The following CNBD1 variants were observed in gnomAD, a reference collection of about 807,000 sequenced individuals.
CNBD1 encodes the protein cyclic nucleotide binding domain containing 1, also known as cyclic nucleotide-binding domain-containing protein 1.
A neutral mutation model predicts 54.4 loss-of-function variants in CNBD1; 71 were observed. The ratio of observed to expected loss-of-function variants is 1.30; its 90% CI spans 1.08 to 1.59. CNBD1 has a LOEUF of 1.59. CNBD1 is among the 40% of genes most tolerant of loss of function. The probability of loss-of-function intolerance (pLI) is 0.00; values close to 1 mark genes in which losing one functional copy is unlikely to be tolerated. For synonymous variants in CNBD1, 182 were observed against 170.7 expected (o/e 1.07, Z -0.51); for missense variants, 659 against 518.0 (o/e 1.27, Z -2.64).
intron 4 of CNBD1, among the ~76,000 whole-genome samples, chr8:86,986,738 G>A (rs1473101098): frequency 1.3e-5 from 2 of 152,170 alleles, no homozygotes; most frequent in African/African-American, 4.8e-5. Flanking sequence ...TATGGATAGC[G>A]AGTTATTCCA....
In CNBD1 at chr8:87,226,766, C is replaced by G. The variant is rs541289945; in HGVS notation, c.578-10153C>G. ...AGATGTCTATTAGGTCCGCTTGGTG[C>G]AGAGCTGAGTTCAATTCCTGGGTAT... On this transcript the variant is annotated intron_variant, in intron 5 of 10. Transcript: ENST00000518476. Among the ~76,000 whole-genome samples, 1,101 of 151,686 alleles carry G rather than the reference C, an allele frequency of 7.3e-3. 20 individuals carry two copies. Among genetic ancestry groups the G allele is most frequent in the African/African-American group, 0.025 (1,046 of 41,166 alleles).
intron 4 of CNBD1, among the ~76,000 whole-genome samples, chr8:87,119,107 G>A (rs979812762): frequency 1.3e-5 from 2 of 151,900 alleles, no homozygotes; most frequent in Non-Finnish European, 2.9e-5. Flanking sequence ...TGAATTTTAA[G>A]ATTTTTTTTT....
chr8:86,969,586 C>G (rs1336273307), intron 4 of CNBD1, among the ~76,000 whole-genome samples: 1 of 151,944 alleles, frequency 6.6e-6, no homozygotes, highest in Non-Finnish European at 1.5e-5. Context: ...TGAGAATGGA[C>G]AGATTACCAG....
At chr8:86,976,877 G>A (rs1186696791) in intron 4 of CNBD1, among the ~76,000 whole-genome samples, 8 of 151,862 alleles carry the variant, frequency 5.3e-5, no homozygotes, top group African/African-American at 2.4e-5. Flanking sequence ...TGTTGGTTTT[G>A]TGACCTACTA....
At chr8:87,254,310 C>T (rs1208973948) in intron 6 of CNBD1, among the ~76,000 whole-genome samples, 1 of 152,000 alleles carries the variant, frequency 6.6e-6, no homozygotes, top group Non-Finnish European at 1.5e-5. Flanking sequence ...GAAAAGGACT[C>T]ATAGGGTAAC....
intron 2 of CNBD1, among the ~76,000 whole-genome samples, chr8:87,414,242 AATC>A (rs1320467762): frequency 6.6e-6 from 1 of 152,096 alleles, no homozygotes; most frequent in Non-Finnish European, 1.5e-5. Flanking sequence ...TGAAACTGGA[AATC>A]ATCATTCTCA....
At chr8:86,883,530 GGAA>G (rs1808634376) in intron 1 of CNBD1, among the ~76,000 whole-genome samples, 1 of 152,128 alleles carries the variant, frequency 6.6e-6, no homozygotes, top group Non-Finnish European at 1.5e-5. Flanking sequence ...AATGCTTAAC[GGAA>G]GAAGATAGCA....
At chr8:87,328,716 C>G (rs1212072060) in intron 8 of CNBD1, among the ~76,000 whole-genome samples, 1 of 152,118 alleles carries the variant, frequency 6.6e-6, no homozygotes, top group East Asian at 1.9e-4. Flanking sequence ...TTTAACAAGA[C>G]TAAGTCTTCT....
At chr8:86,955,507 T>G (rs942638749) in intron 4 of CNBD1, among the ~76,000 whole-genome samples, 2 of 152,206 alleles carry the variant, frequency 1.3e-5, no homozygotes, top group Non-Finnish European at 2.9e-5. Flanking sequence ...GTTTCCTGAC[T>G]TGTTAATGAT....
intron 10 of CNBD1, among the ~76,000 whole-genome samples, chr8:87,378,882 T>G (rs1246061344): frequency 2.7e-5 from 4 of 149,454 alleles, no homozygotes; most frequent in African/African-American, 1.0e-4. Flanking sequence ...CCCTTGTAAG[T>G]TGGATTCCTA....
chr8:86,930,538 C>A (rs955991269), intron 3 of CNBD1, among the ~76,000 whole-genome samples: 14 of 152,130 alleles, frequency 9.2e-5, no homozygotes, highest in African/African-American at 1.2e-4. Flanking sequence ...GACATGTGGT[C>A]TGTGGGATCC....
At chr8:87,120,636 G>GTACA (rs1811870815) in intron 4 of CNBD1, among the ~76,000 whole-genome samples, 1 of 151,678 alleles carries the variant, frequency 6.6e-6, no homozygotes, top group Non-Finnish European at 1.5e-5. Context: ...GTTCCTTGTG[G>GTACA]TACAGTGTTA....
chr8:86,925,482 A>AGAGT lies in CNBD1; in HGVS notation c.273-14113_273-14112insAGTG, dbSNP rs1224095733. On this transcript the variant is annotated intron_variant, in intron 3 of 10. Transcript: ENST00000518476. Reference sequence around the variant, plus strand: ...TAAAATATATACGGGCTTACCAAAAAGTGTGTGTGTGTGTGTGTGTGTGTG... The same window carrying AGAGT: ...TAAAATATATACGGGCTTACCAAAAAGAGTGTGTGTGTGTGTGTGTGTGTGTGTG... Among the ~76,000 whole-genome samples the AGAGT allele has an allele frequency of 3.6e-3, 509 of 141,810 alleles. 6 individuals are homozygous for AGAGT. Among genetic ancestry groups the AGAGT allele is most frequent in the African/African-American group, 0.013 (470 of 37,356 alleles). 93.0% of individuals were successfully genotyped at this position (141,810 alleles called of 152,430 possible).
chr8:87,067,360 G>T (rs562995506), intron 4 of CNBD1, among the ~76,000 whole-genome samples: 1 of 151,906 alleles, frequency 6.6e-6, no homozygotes, highest in East Asian at 1.9e-4. Flanking sequence ...TTATTATTAT[G>T]GAATTACTTA....
At chr8:87,316,055 G>A (rs1392210840) in intron 8 of CNBD1, among the ~76,000 whole-genome samples, 1 of 151,972 alleles carries the variant, frequency 6.6e-6, no homozygotes, top group East Asian at 1.9e-4. Flanking sequence ...ATTCATCTCA[G>A]AGTAATATAC....
At chr8:87,394,824 T>C (rs975897164) in intron 2 of CNBD1, among the ~76,000 whole-genome samples, 12 of 151,912 alleles carry the variant, frequency 7.9e-5, no homozygotes, top group Non-Finnish European at 8.8e-5. Context: ...CTTTTTCTGC[T>C]GGTTTTTAAA....
chr8:87,214,554 A>G (rs1204340309), intron 5 of CNBD1, among the ~76,000 whole-genome samples: 1 of 152,128 alleles, frequency 6.6e-6, no homozygotes, highest in Non-Finnish European at 1.5e-5. Flanking sequence ...ATTTTCGGGT[A>G]TCTTTACAAC....
At chr8:86,877,947 G>A (rs1808548666) in intron 1 of CNBD1, among the ~76,000 whole-genome samples, 1 of 151,846 alleles carries the variant, frequency 6.6e-6, no homozygotes, top group Non-Finnish European at 1.5e-5. Flanking sequence ...CATTTTTGCA[G>A]TTTCCCATGT....
intron 1 of CNBD1, among the ~76,000 whole-genome samples, chr8:86,873,459 T>A (rs1014404439): frequency 2.0e-5 from 3 of 151,992 alleles, no homozygotes; most frequent in African/African-American, 2.4e-5. Flanking sequence ...ATTTATAATA[T>A]TGAGTCTTCC....
Sources: allele counts gnomAD v4.1 joint callset (sites outside exome capture counted in the v4.1 genomes callset), GRCh38; gene constraint gnomAD v4.1.1; transcripts MANE v1.5; gene names NCBI Gene and HGNC (gene_info 2026-07-23, HGNC 2026-07-21).